The following LPIN2 variants were observed in gnomAD, a reference collection of about 807,000 sequenced individuals.
LPIN2 encodes the protein lipin 2.
A neutral mutation model predicts 111.4 loss-of-function variants in LPIN2; 55 were observed. That is an observed-to-expected ratio of 0.49 (90% CI 0.40 to 0.62). The LOEUF (loss-of-function observed/expected upper bound fraction) is 0.62. Among genes scored for constraint, LPIN2 ranks in the 20% least tolerant of loss-of-function variants. The pLI, the probability that LPIN2 is intolerant of heterozygous loss-of-function variation, is 0.00. For missense variants in LPIN2, 992 were observed against 1,112.1 expected (o/e 0.89, Z 1.54); for synonymous variants, 425 against 414.0 (o/e 1.03, Z -0.32).
chr18:2,972,061 AC>A (rs760415960), intron 1 of LPIN2, among the ~76,000 whole-genome samples: 9 of 152,132 alleles, frequency 5.9e-5, no homozygotes, highest in Non-Finnish European at 1.3e-4. Flanking sequence ...ACAAAACAAA[AC>A]AAAAAAACAA....
At chr18:2,935,377 A>C (rs2077271729) in intron 7 of LPIN2, among the ~76,000 whole-genome samples, 1 of 152,218 alleles carries the variant, frequency 6.6e-6, no homozygotes, top group African/African-American at 2.4e-5. Flanking sequence ...AAGAAAATAT[A>C]GGAATGTCAC....
At chr18:2,922,261 CAAAAA>C in intron 16 of LPIN2, 62 bp from the exon 17 acceptor site, 1 of 1,362,640 alleles carries the variant, frequency 7.3e-7, no homozygotes, top group Non-Finnish European at 1.0e-6. Context: ...AAACAAAAAA[CAAAAA>C]AAAAACCCCA....
intron 3 of LPIN2, among the ~76,000 whole-genome samples, chr18:2,952,923 T>G (rs2077558823): frequency 6.6e-6 from 1 of 152,276 alleles, no homozygotes; most frequent in Non-Finnish European, 1.5e-5. Flanking sequence ...TGATGACATA[T>G]AATTAAATGA....
chr18:2,926,597 T>A (rs2077134730), intron 13 of LPIN2, 126 bp downstream of exon 13: 1 of 767,246 alleles, frequency 1.3e-6, no homozygotes, highest in Non-Finnish European at 2.2e-6. Flanking sequence ...CACAAATATA[T>A]CACAGCATGT....
rs532469294 is a variant in LPIN2, at chr18:2,924,553, A to C, written c.1939-7T>G. ...CGTGGAGCTTCAGTTTTGCCTTTTA[A>C]AAAAGCATAAGAATAAAGAAAATCA... On this transcript the variant is annotated splice_polypyrimidine_tract_variant and splice_region_variant and intron_variant, in intron 14 of 19. Transcript: ENST00000677752. 2 of 1,614,008 alleles carry C rather than the reference A, an allele frequency of 1.2e-6. No homozygotes were observed. The highest frequency in any genetic ancestry group is 1.3e-5 in the African/African-American group (1 of 74,932).
chr18:2,994,799 C>G (rs1539793), intron 1 of LPIN2, among the ~76,000 whole-genome samples: 120,674 of 152,062 alleles, frequency 0.79, 48,348 homozygotes, highest in East Asian at 0.94. Flanking sequence ...TCCCCGGCGG[C>G]GGGTGGGGGC....
chr18:2,933,195 T>C (rs2077236830), intron 8 of LPIN2, among the ~76,000 whole-genome samples: 1 of 152,180 alleles, frequency 6.6e-6, no homozygotes, highest in Non-Finnish European at 1.5e-5. Flanking sequence ...TTTCAAGAAA[T>C]AGTTAATGAG....
chr18:2,999,579 G>C (rs2078399046), intron 1 of LPIN2, among the ~76,000 whole-genome samples: 1 of 150,744 alleles, frequency 6.6e-6, no homozygotes, highest in Admixed American at 6.6e-5. Flanking sequence ...ACTCCAGCCT[G>C]GGTGACAGAG....
intron 1 of LPIN2, among the ~76,000 whole-genome samples, chr18:2,975,215 C>G (rs913253155): frequency 1.3e-5 from 2 of 152,312 alleles, no homozygotes; most frequent in South Asian, 2.1e-4. Flanking sequence ...TCTTGTTTCA[C>G]TGAAACCTAA....
At chr18:2,940,187 C>T (rs2077349652) in intron 5 of LPIN2, among the ~76,000 whole-genome samples, 1 of 152,062 alleles carries the variant, frequency 6.6e-6, no homozygotes, top group South Asian at 2.1e-4. Flanking sequence ...CTTAGCTGAG[C>T]ACAGTGGTGC....
intron 1 of LPIN2, among the ~76,000 whole-genome samples, chr18:3,002,293 G>A (rs1354882501): frequency 6.9e-6 from 1 of 144,484 alleles, no homozygotes; most frequent in Non-Finnish European, 1.5e-5. Context: ...CAGTACCTAC[G>A]TTTTTCAACT....
chr18:2,957,526 G>A (rs2077631158), intron 2 of LPIN2, among the ~76,000 whole-genome samples: 1 of 152,182 alleles, frequency 6.6e-6, no homozygotes, highest in Non-Finnish European at 1.5e-5. Context: ...GGGAGTAGAG[G>A]TGGGCTGTTG....
At chr18:2,945,857 T>C (rs1350135517) in intron 4 of LPIN2, 2 of 1,475,038 alleles carry the variant, frequency 1.4e-6, no homozygotes, top group Non-Finnish European at 9.5e-7. Flanking sequence ...CATGTCTACA[T>C]GGAACAACTT....
At chr18:2,936,429 T>A (rs2077286157) in intron 7 of LPIN2, among the ~76,000 whole-genome samples, 1 of 152,204 alleles carries the variant, frequency 6.6e-6, no homozygotes, top group South Asian at 2.1e-4. Context: ...GGAAGAACTG[T>A]TGAACCAAGA....
intron 1 of LPIN2, among the ~76,000 whole-genome samples, chr18:3,003,213 T>A (rs1380761308): frequency 6.6e-6 from 1 of 151,824 alleles, no homozygotes; most frequent in Admixed American, 6.5e-5. Flanking sequence ...AGAGCTGATG[T>A]ATCATTCATT....
At chr18:2,958,520 A>C (rs187561684) in intron 2 of LPIN2, among the ~76,000 whole-genome samples, 2 of 152,310 alleles carry the variant, frequency 1.3e-5, no homozygotes, top group Admixed American at 1.3e-4. Context: ...GCAAATTGCC[A>C]GTGTATCTCA....
At position 2,938,232 on chromosome 18, in the gene LPIN2, T is replaced by C. The variant is rs540117112; in HGVS notation, c.823-195A>G. ...CTTTTGTTCAATATCATGATACTTA[T>C]AAATGTTCTGGCCGGGCACAGTGGC... On this transcript the variant is annotated intron_variant, in intron 6 of 19. Coordinates refer to ENST00000677752, the MANE Select transcript of LPIN2 (RefSeq NM_001375808.2). Among the ~76,000 whole-genome samples the C allele has an allele frequency of 3.9e-5, 6 of 152,280 alleles. No individual in the cohort carries two copies. In the East Asian group the frequency reaches 1.2e-3, roughly 29 times the overall value.
intron 1 of LPIN2, among the ~76,000 whole-genome samples, chr18:2,966,370 G>A (rs1325646069): frequency 6.6e-6 from 1 of 152,098 alleles, no homozygotes; most frequent in Non-Finnish European, 1.5e-5. Context: ...CTTGTTACAC[G>A]TCTCTCATGT....
chr18:2,982,388 A>G (rs765432543), intron 1 of LPIN2, among the ~76,000 whole-genome samples: 6 of 152,136 alleles, frequency 3.9e-5, no homozygotes, highest in Non-Finnish European at 7.3e-5. Flanking sequence ...TCAGTTTAAA[A>G]CAGCAACTTC....
Sources: gnomAD v4.1 joint callset for allele counts (sites outside exome capture counted in the v4.1 genomes callset) on GRCh38, gnomAD v4.1.1 for gene constraint, MANE v1.5 for transcripts, NCBI Gene and HGNC (gene_info 2026-07-23, HGNC 2026-07-21) for gene names.